The following BAP1 variants were observed in gnomAD, a reference collection of about 807,000 sequenced individuals.
The protein encoded by BAP1 is ubiquitin carboxyl-terminal hydrolase BAP1.
Under a neutral mutation model 77.2 loss-of-function variants are expected in BAP1, and 16 were observed. The observed-to-expected ratio is 0.21, with a 90% CI of 0.14 to 0.31. The LOEUF (loss-of-function observed/expected upper bound fraction) is 0.31. Ranked by LOEUF, BAP1 falls within the 10% of genes least tolerant of loss-of-function variation. The probability of loss-of-function intolerance (pLI) is 1.00; values close to 1 mark genes in which losing one functional copy is unlikely to be tolerated. For synonymous variants in BAP1, 362 were observed against 385.2 expected (o/e 0.94, Z 0.71); for missense variants, 699 against 967.3 (o/e 0.72, Z 3.68).
intron 3 of BAP1, 123 bp from the exon 4 acceptor site, chr3:52,408,729 C>G (rs1275681938): frequency 1.6e-6 from 2 of 1,270,540 alleles, no homozygotes; most frequent in Non-Finnish European, 1.1e-6. Flanking sequence ...GTGATCCCCC[C>G]TCTCCCCTGG....
At chr3:52,407,828 T>C (rs1441229469) in intron 5 of BAP1, 130 bp downstream of exon 5, 4 of 1,425,100 alleles carry the variant, frequency 2.8e-6, no homozygotes, top group Middle Eastern at 2.4e-4. Flanking sequence ...GAGTCAAATG[T>C]AACATAAACA....
intron 12 of BAP1, 145 bp from the exon 13 acceptor site, chr3:52,404,039 T>C: frequency 2.5e-6 from 2 of 810,378 alleles, no homozygotes; most frequent in Non-Finnish European, 3.9e-6. Context: ...GAACTAGCCA[T>C]GCTAAGCCTG....
rs1705170574 is a variant in BAP1, at chr3:52,406,741, C to T, written c.659+88G>A. The stretch of plus-strand genomic sequence containing the variant: ...TTGCCAGATTCACCATATGGCCTTG[C>T]AATTTACAAATCACCTGGATACTCT... On this transcript the variant is annotated intron_variant, in intron 8 of 16. Transcript: ENST00000460680. The surrounding 1 kb of genome is among the most constrained non-coding windows in gnomAD (Gnocchi z 4.6). 4 of 1,415,162 alleles carry T rather than the reference C, an allele frequency of 2.8e-6. No homozygotes were observed. The African/African-American group carries it at 5.7e-5, about 20-fold the overall frequency. 87.7% of individuals were successfully genotyped at this position (1,415,162 alleles called of 1,614,324 possible).
rs368684241 is a variant in BAP1, at chr3:52,403,801, C to T, written c.1344G>A (p.Leu448=). 26 of 1,613,980 alleles carry T rather than the reference C, an allele frequency of 1.6e-5. No homozygotes were observed. The African/African-American group carries it at 2.9e-4, about 18-fold the overall frequency. Residue 448 remains leucine, a synonymous_variant, in exon 13 of 17, where the codon TTG becomes TTA. Transcript: ENST00000460680. The surrounding 1 kb of genome is among the most constrained non-coding windows in gnomAD (Gnocchi z 4.0). ...TCTGGGACTCTTTGAGCTTCTCAGCCAAGACGTTGATGGTGTTGGGCTGCA... is the reference window on the plus strand; with the variant it reads ...TCTGGGACTCTTTGAGCTTCTCAGCTAAGACGTTGATGGTGTTGGGCTGCA... ...SVLQPNTINV[L]AEKLKESQKD...
chr3:52,406,603 G>T lies in BAP1; in HGVS notation c.659+226C>A. ...GGAAGTGAACCAGCAGACCTGGGCT[G>T]CCTAAGGCTCCACTGAGGCCTGCCC... On this transcript the variant is annotated intron_variant, in intron 8 of 16. Transcript: ENST00000460680. This position sits in a 1 kb window ranked among gnomAD's most constrained non-coding sequence, Gnocchi z 4.6. The T allele has an allele frequency of 1.1e-6, 1 of 879,666 alleles. No homozygotes were observed. Among genetic ancestry groups the T allele is most frequent in the Non-Finnish European group, 1.8e-6 (1 of 568,686 alleles). 54.5% of individuals were successfully genotyped at this position (879,666 alleles called of 1,614,324 possible).
At chr3:52,409,374 T>C (rs563559570) in intron 3 of BAP1, among the ~76,000 whole-genome samples, 180 bp downstream of exon 3, 12 of 152,068 alleles carry the variant, frequency 7.9e-5, no homozygotes, top group African/African-American at 2.7e-4. Flanking sequence ...TAAGGAAAGT[T>C]TGGGAGAAAA....
At position 52,401,836 on chromosome 3, in the gene BAP1, T is replaced by G; in HGVS notation, c.*452A>C. ...CCACCCAGGCCCCCAGCTAGGACCC[T>G]GTAGTTGGGACCGTGGCATGATACA... On this transcript the variant is annotated 3_prime_UTR_variant, in exon 17 of 17. Coordinates refer to ENST00000460680, the MANE Select transcript of BAP1 (RefSeq NM_004656.4). The G allele has an allele frequency of 3.5e-6, 1 of 286,856 alleles. No individual in the cohort carries two copies. The highest frequency in any genetic ancestry group is 6.7e-6 in the Non-Finnish European group (1 of 149,370). The allele number at this position is 286,856 out of a possible 1,614,324, so 17.8% of individuals were successfully genotyped here. A position where few individuals can be genotyped will look rare whatever the true frequency, so the allele number is the denominator to read the frequency against.
chr3:52,405,236 G>C lies in BAP1; in HGVS notation c.990C>G (p.Asn330Lys), dbSNP rs773432365. 2 of 1,614,094 alleles carry C rather than the reference G, an allele frequency of 1.2e-6. No homozygotes were observed. The highest frequency in any genetic ancestry group is 1.7e-5 in the Admixed American group (1 of 60,024). ...GAGGCTTCACCACTAGCTTGGGTTT[G>C]TTGGGAGGGCTGTGGGATGGGGCTT... ...CAQAPSHSPP[N>K]KPKLVVKPPG... is the part of the protein sequence containing the mutation. Residue 330 changes from asparagine (N) to lysine (K), a missense_variant, in exon 11 of 17, where the codon AAC (asparagine) becomes AAG (lysine). Asn to Lys is a moderately conservative substitution (Grantham distance 94, BLOSUM62 0). Transcript: ENST00000460680.
At position 52,406,020 on chromosome 3, in the gene BAP1, T is replaced by A; in HGVS notation, c.784-108A>T. On this transcript the variant is annotated intron_variant, in intron 9 of 16. Coordinates refer to ENST00000460680, the MANE Select transcript of BAP1 (RefSeq NM_004656.4). This position sits in a 1 kb window ranked among gnomAD's most constrained non-coding sequence, Gnocchi z 4.6. ...GAATAATGGCCTTGGCTCTACCCAT[T>A]CACTCACAGGGAAATAAAACACCCA... The A allele has an allele frequency of 6.5e-7, 1 of 1,549,822 alleles. No individual in the cohort carries two copies. Among genetic ancestry groups the A allele is most frequent in the East Asian group, 2.3e-5 (1 of 44,372 alleles).
chr3:52,402,806 C>T lies in BAP1; in HGVS notation c.1956G>A (p.Glu652=), dbSNP rs761399207. 2.0e-5 allele frequency: 32 copies of T among 1,614,118 alleles called. No homozygotes were observed. In the Admixed American group the frequency reaches 5.3e-4, roughly 27 times the overall value. Residue 652 remains glutamate (E), a synonymous_variant, in exon 15 of 17, where the codon GAG becomes GAA. Coordinates refer to ENST00000460680, the MANE Select transcript of BAP1 (RefSeq NM_004656.4). The surrounding 1 kb of genome is among the most constrained non-coding windows in gnomAD (Gnocchi z 5.3). ...TGAACTTCTTCCTCTTCTCTACCTC[C>T]TCCTTGAGGCACGCCTCATAGTTTG... ...EIANYEACLK[E]EVEKRKKFKI...
chr3:52,402,986 G>A lies in BAP1; in HGVS notation c.1891-115C>T, dbSNP rs775945831. 6.3e-7 allele frequency: 1 copy of A among 1,599,294 alleles called. No homozygotes were observed. The highest frequency in any genetic ancestry group is 2.2e-5 in the East Asian group (1 of 44,790). On this transcript the variant is annotated intron_variant, in intron 14 of 16. Coordinates refer to ENST00000460680, the MANE Select transcript of BAP1 (RefSeq NM_004656.4). This position sits in a 1 kb window ranked among gnomAD's most constrained non-coding sequence, Gnocchi z 5.3. ...CGAGTCCATGCCTATCAAGGCCCCT[G>A]CCACCACCCAACCCAGAAAGTCTTC...
In BAP1 at chr3:52,402,112, G is replaced by GT. The variant is rs1254666804; in HGVS notation, c.*175dup. On this transcript the variant is annotated 3_prime_UTR_variant, in exon 17 of 17. Transcript: ENST00000460680. This position sits in a 1 kb window ranked among gnomAD's most constrained non-coding sequence, Gnocchi z 5.3. ...CTGAGCACTATGGGGCTGATCTGCC[G>GT]TGTCAGGCCTCAGGGCACGATGGAA... 8.9e-7 allele frequency: 1 copy of GT among 1,123,342 alleles called. No individual in the cohort carries two copies. The highest frequency in any genetic ancestry group is 2.6e-5 in the East Asian group (1 of 38,494). 69.6% of individuals were successfully genotyped at this position (1,123,342 alleles called of 1,614,324 possible).
chr3:52,408,706 A>G (rs2153228412), intron 3 of BAP1, 100 bp from the exon 4 acceptor site: 2 of 1,417,414 alleles, frequency 1.4e-6, no homozygotes, highest in Non-Finnish European at 9.6e-7. Flanking sequence ...GTCATCACTC[A>G]GGTGTCCTTG....
Position 52,402,722 on chromosome 3 carries a change from G to A in BAP1, c.1984-48C>T, listed in dbSNP as rs745833544. On this transcript the variant is annotated intron_variant, in intron 15 of 16. Coordinates refer to ENST00000460680, the MANE Select transcript of BAP1 (RefSeq NM_004656.4). This position sits in a 1 kb window ranked among gnomAD's most constrained non-coding sequence, Gnocchi z 5.3. ...GAGCACTGGAGCCAATCTTGCCAGAGCAGCCACCAGTGGACCTCGGGAGAG... is the reference window on the plus strand; with the variant it reads ...GAGCACTGGAGCCAATCTTGCCAGAACAGCCACCAGTGGACCTCGGGAGAG... 3 of 1,613,998 alleles carry A rather than the reference G, an allele frequency of 1.9e-6. No homozygotes were observed. The highest frequency in any genetic ancestry group is 2.5e-6 in the Non-Finnish European group (3 of 1,179,828).
chr3:52,407,895 G>A, intron 5 of BAP1, 63 bp downstream of exon 5: 1 of 1,609,372 alleles, frequency 6.2e-7, no homozygotes, highest in Non-Finnish European at 8.5e-7. Context: ...AGCATTCCCA[G>A]TGGCCCTCAG....
intron 11 of BAP1, 137 bp from the exon 12 acceptor site, chr3:52,404,723 T>G: frequency 7.5e-7 from 1 of 1,338,886 alleles, no homozygotes; most frequent in South Asian, 1.3e-5. Flanking sequence ...CCATGGCCTG[T>G]CCTTGGCTTG....
chr3:52,404,647 A>G (rs1705091806), intron 11 of BAP1, 61 bp from the exon 12 acceptor site: 1 of 1,571,692 alleles, frequency 6.4e-7, no homozygotes, highest in Non-Finnish European at 8.6e-7. Context: ...GAGCCTAGAC[A>G]CTCACAGCCA....
At chr3:52,407,001 C>T (rs1200644552) in intron 7 of BAP1, 94 bp from the exon 8 acceptor site, 7 of 1,492,978 alleles carry the variant, frequency 4.7e-6, no homozygotes, top group Non-Finnish European at 3.7e-6. Flanking sequence ...GCAGTTGAGC[C>T]AGGGAATCAG....
At chr3:52,408,931 C>CA (rs1176113818) in intron 3 of BAP1, among the ~76,000 whole-genome samples, 1 of 152,210 alleles carries the variant, frequency 6.6e-6, no homozygotes, top group Non-Finnish European at 1.5e-5. Flanking sequence ...GGTAGGAACA[C>CA]AAAGTAAGAC....
Sources: gnomAD v4.1 joint callset for allele counts (sites outside exome capture counted in the v4.1 genomes callset) on GRCh38, gnomAD v4.1.1 for gene constraint, Gnocchi (gnomAD v3.1) non-coding constraint, MANE v1.5 for transcripts, NCBI Gene and HGNC (gene_info 2026-07-23, HGNC 2026-07-21) for gene names.